The following PUM1 variants were observed in gnomAD, a reference collection of about 807,000 sequenced individuals.
PUM1 encodes the protein pumilio homolog 1.
A neutral mutation model predicts 131.8 loss-of-function variants in PUM1; 13 were observed. That is an observed-to-expected ratio of 0.10 (90% CI 0.06 to 0.16). PUM1 has a LOEUF of 0.16. Ranked by LOEUF, PUM1 falls within the 10% of genes least tolerant of loss-of-function variation. PUM1 has a pLI of 1.00. For synonymous variants in PUM1, 509 were observed against 556.5 expected (o/e 0.91, Z 1.20); for missense variants, 961 against 1,512.4 (o/e 0.64, Z 6.05).
chr1:31,034,335 C>G (rs1643535465), intron 2 of PUM1, among the ~76,000 whole-genome samples: 1 of 152,086 alleles, frequency 6.6e-6, no homozygotes, highest in Non-Finnish European at 1.5e-5. Flanking sequence ...TTCATTAAAT[C>G]ACACTGAAAA....
At chr1:31,007,535 G>A (rs533676970) in intron 3 of PUM1, among the ~76,000 whole-genome samples, 3 of 152,170 alleles carry the variant, frequency 2.0e-5, no homozygotes, top group Non-Finnish European at 4.4e-5. Context: ...TCAAGCTGGA[G>A]CATGAACCAG....
intron 7 of PUM1, among the ~76,000 whole-genome samples, chr1:30,989,331 G>C (rs752323735): frequency 3.4e-4 from 51 of 152,158 alleles, no homozygotes; most frequent in Non-Finnish European, 4.4e-4. Flanking sequence ...CAGCACTTTG[G>C]GAGGCCAAGG....
chr1:30,989,736 A>T (rs1318657099), intron 7 of PUM1, among the ~76,000 whole-genome samples: 1 of 152,178 alleles, frequency 6.6e-6, no homozygotes, highest in East Asian at 1.9e-4. Context: ...TTTAAATGAT[A>T]AAGTGAGTTA....
At chr1:31,054,397 C>G (rs1644186762) in intron 2 of PUM1, among the ~76,000 whole-genome samples, 1 of 151,970 alleles carries the variant, frequency 6.6e-6, no homozygotes, top group African/African-American at 2.4e-5. Flanking sequence ...AAATAAAGTA[C>G]CTGGCATGAC....
At chr1:31,042,547 C>T (rs1643855448) in intron 2 of PUM1, among the ~76,000 whole-genome samples, 1 of 152,140 alleles carries the variant, frequency 6.6e-6, no homozygotes, top group Non-Finnish European at 1.5e-5. Flanking sequence ...ATGTGTAAAC[C>T]ATCTGCTTTC....
chr1:30,933,484 A>ACACACACACACACACACACACACACC (rs1491459248), intron 21 of PUM1, 142 bp from the exon 22 acceptor site: 1 of 710,938 alleles, frequency 1.4e-6, no homozygotes, highest in African/African-American at 2.1e-5. Flanking sequence ...ACACACACAC[A>ACACACACACACACACACACACACACC]CCCCTACAGC....
At chr1:31,009,129 G>A (rs1642501560) in intron 3 of PUM1, among the ~76,000 whole-genome samples, 1 of 151,142 alleles carries the variant, frequency 6.6e-6, no homozygotes, top group Non-Finnish European at 1.5e-5. Context: ...GGTGCGGTGA[G>A]CTAAGATCAT....
At chr1:31,043,729 T>C (rs768344115) in intron 2 of PUM1, among the ~76,000 whole-genome samples, 1 of 152,190 alleles carries the variant, frequency 6.6e-6, no homozygotes, top group Non-Finnish European at 1.5e-5. Flanking sequence ...CCCGGGTTTG[T>C]AAACAAGTTT....
At chr1:30,986,207 A>G (rs6656963) in intron 7 of PUM1, among the ~76,000 whole-genome samples, 104,891 of 152,072 alleles carry the variant, frequency 0.69, 37,605 homozygotes, top group East Asian at 0.87. Context: ...TGCCAGCCTC[A>G]GCCTCCCAAA....
At chr1:30,995,250 A>C in intron 5 of PUM1, 30 bp from the exon 6 acceptor site, 1 of 1,612,320 alleles carries the variant, frequency 6.2e-7, no homozygotes, top group Non-Finnish European at 8.5e-7. Context: ...AGCTTCACTA[A>C]TCGTCATCAA....
At chr1:31,002,171 T>C (rs575881601) in intron 5 of PUM1, among the ~76,000 whole-genome samples, 1 of 152,332 alleles carries the variant, frequency 6.6e-6, no homozygotes, top group Non-Finnish European at 1.5e-5. Flanking sequence ...CTGCATTACA[T>C]TGTACAGAAG....
rs1553152902 is a variant in PUM1 at position 31,042,331 on chromosome 1, T to TAAATAAATA, written c.364-13468_364-13467insTATTTATTT. 5.3e-5 allele frequency among the ~76,000 whole-genome samples: 8 copies of TAAATAAATA among 151,200 alleles called. No homozygotes were observed. The East Asian group carries it at 7.8e-4, about 15-fold the overall frequency. On this transcript the variant is annotated intron_variant, in intron 2 of 21. Coordinates refer to ENST00000426105, the MANE Select transcript of PUM1 (RefSeq NM_001020658.2). ...AAAAATAAATAAATAAATAAATAAA[T>TAAATAAATA]AAATAAAATAAAATAAAATAAAATT... is the stretch of plus-strand genomic sequence containing the variant.
At chr1:30,968,226 T>G in intron 11 of PUM1, 128 bp downstream of exon 11, 1 of 1,266,960 alleles carries the variant, frequency 7.9e-7, no homozygotes, top group Non-Finnish European at 1.1e-6. Context: ...GTGTGTATCA[T>G]CCTTGCCAGT....
At chr1:31,007,358 T>C (rs1642430957) in intron 3 of PUM1, among the ~76,000 whole-genome samples, 1 of 152,182 alleles carries the variant, frequency 6.6e-6, no homozygotes, top group Non-Finnish European at 1.5e-5. Flanking sequence ...AACTTAAATA[T>C]CTAGAATTAC....
chr1:31,056,428 G>C (rs1644238722), intron 2 of PUM1, among the ~76,000 whole-genome samples: 2 of 151,566 alleles, frequency 1.3e-5, no homozygotes, highest in Non-Finnish European at 1.5e-5. Context: ...TTACAGGTGT[G>C]CACCACCATG....
chr1:30,935,330 G>C (rs1321008878), intron 21 of PUM1, among the ~76,000 whole-genome samples: 1 of 152,146 alleles, frequency 6.6e-6, no homozygotes, highest in African/African-American at 2.4e-5. Flanking sequence ...CACTCCGTTA[G>C]AGAGCCTCCT....
chr1:31,044,381 G>A lies in PUM1; in HGVS notation c.363+14823C>T, dbSNP rs530125673. 7.9e-5 allele frequency among the ~76,000 whole-genome samples: 12 copies of A among 152,204 alleles called. No individual in the cohort carries two copies. In the East Asian group the frequency reaches 1.4e-3, roughly 17 times the overall value. Reference sequence around the variant, plus strand: ...CGTGCCACTGCACTCCAGCCTGGGCGACAGCGAGACTCCATCTAAAAAATA... The same window carrying A: ...CGTGCCACTGCACTCCAGCCTGGGCAACAGCGAGACTCCATCTAAAAAATA... On this transcript the variant is annotated intron_variant, in intron 2 of 21. Coordinates refer to ENST00000426105, the MANE Select transcript of PUM1 (RefSeq NM_001020658.2).
intron 5 of PUM1, among the ~76,000 whole-genome samples, chr1:30,998,894 A>G (rs1387051389): frequency 2.0e-5 from 3 of 152,232 alleles, no homozygotes. Flanking sequence ...TGAAGACCCT[A>G]AAGACAATAG....
intron 7 of PUM1, among the ~76,000 whole-genome samples, chr1:30,983,310 T>C (rs550420444): frequency 1.8e-4 from 28 of 152,356 alleles, no homozygotes; most frequent in African/African-American, 4.8e-4. Flanking sequence ...TAAACATGTA[T>C]TGCCTCTTCA....
Sources: gnomAD v4.1 joint callset for allele counts (sites outside exome capture counted in the v4.1 genomes callset) on GRCh38, gnomAD v4.1.1 for gene constraint, MANE v1.5 for transcripts, NCBI Gene and HGNC (gene_info 2026-07-23, HGNC 2026-07-21) for gene names.